The following SYNPR variants were observed in gnomAD, a reference collection of about 807,000 sequenced individuals.
SYNPR encodes synaptoporin.
Under a neutral mutation model 32.9 loss-of-function variants are expected in SYNPR, and 23 were observed. That is an observed-to-expected ratio of 0.70 (90% CI 0.50 to 0.99). SYNPR has a LOEUF of 0.99. Among genes scored for constraint, SYNPR ranks in the 50% least tolerant of loss-of-function variants. The pLI is 0.00. For synonymous variants in SYNPR, 146 were observed against 135.9 expected, an observed-to-expected ratio of 1.07 and a Z score of -0.52; for missense variants, 318 against 349.3, an observed-to-expected ratio of 0.91 and a Z score of 0.71.
intron 4 of SYNPR, among the ~76,000 whole-genome samples, chr3:63,607,548 A>C (rs1309109959): frequency 6.6e-6 from 1 of 152,234 alleles, no homozygotes; most frequent in African/African-American, 2.4e-5. Context: ...TTGAATGAAA[A>C]TGAAAAGTAA....
At chr3:63,430,804 C>A (rs1379752814) in intron 2 of SYNPR, among the ~76,000 whole-genome samples, 1 of 152,004 alleles carries the variant, frequency 6.6e-6, no homozygotes, top group Non-Finnish European at 1.5e-5. Flanking sequence ...ATAACTTCTA[C>A]CTTGCAGTGC....
chr3:63,508,384 T>C (rs1701630117), intron 3 of SYNPR, among the ~76,000 whole-genome samples: 1 of 152,122 alleles, frequency 6.6e-6, no homozygotes, highest in African/African-American at 2.4e-5. Flanking sequence ...AAGTAAATTA[T>C]AGTAAGAAGT....
intron 2 of SYNPR, among the ~76,000 whole-genome samples, chr3:63,260,374 T>C (rs2086428071): frequency 6.6e-6 from 1 of 152,000 alleles, no homozygotes; most frequent in African/African-American, 2.4e-5. Context: ...AAAACAGAGA[T>C]ATAGACCAAT....
At chr3:63,379,687 T>G (rs1269394227) in intron 2 of SYNPR, among the ~76,000 whole-genome samples, 1 of 152,150 alleles carries the variant, frequency 6.6e-6, no homozygotes, top group Admixed American at 6.6e-5. Context: ...TTCTTTTGCT[T>G]TCTTTTTTTT....
intron 4 of SYNPR, among the ~76,000 whole-genome samples, chr3:63,558,150 C>A (rs915455499): frequency 1.3e-4 from 20 of 152,160 alleles, no homozygotes; most frequent in African/African-American, 4.3e-4. Context: ...TTTGACACAG[C>A]ACAAGGCCCT....
At chr3:63,553,394 T>G (rs1048523239) in intron 3 of SYNPR, among the ~76,000 whole-genome samples, 26 of 152,234 alleles carry the variant, frequency 1.7e-4, no homozygotes, top group African/African-American at 5.8e-4. Context: ...AGCATGGCCA[T>G]GAACATGCAA....
chr3:63,596,440 CACCAGCCTG>C (rs1199189098), intron 4 of SYNPR, among the ~76,000 whole-genome samples: 1 of 151,780 alleles, frequency 6.6e-6, no homozygotes, highest in East Asian at 1.9e-4. Context: ...ATCTACCAGC[CACCAGCCTG>C]CCATGTCTTG....
At chr3:63,519,604 A>G (rs1701867807) in intron 3 of SYNPR, among the ~76,000 whole-genome samples, 1 of 152,230 alleles carries the variant, frequency 6.6e-6, no homozygotes, top group Non-Finnish European at 1.5e-5. Flanking sequence ...CAAGGTTGGC[A>G]GAGTTCCCAT....
chr3:63,602,908 G>A (rs1262074501), intron 4 of SYNPR, among the ~76,000 whole-genome samples: 1 of 152,124 alleles, frequency 6.6e-6, no homozygotes, highest in East Asian at 1.9e-4. Context: ...GATAGGAATA[G>A]CATTGAATCT....
chr3:63,445,911 T>C (rs1700269008), intron 2 of SYNPR, among the ~76,000 whole-genome samples: 1 of 152,188 alleles, frequency 6.6e-6, no homozygotes, highest in Non-Finnish European at 1.5e-5. Context: ...GTCTCCTTCC[T>C]CTCAGACTAT....
chr3:63,595,759 A>AGT (rs1559546255), intron 4 of SYNPR, among the ~76,000 whole-genome samples: 1 of 53,076 alleles, frequency 1.9e-5, no homozygotes, highest in Non-Finnish European at 3.1e-5. Context: ...ATATATATAT[A>AGT]TATATATATA....
intron 3 of SYNPR, among the ~76,000 whole-genome samples, chr3:63,523,074 T>C (rs1219474778): frequency 6.6e-6 from 1 of 152,060 alleles, no homozygotes; most frequent in Non-Finnish European, 1.5e-5. Flanking sequence ...CCCTTCAGCA[T>C]ATATTTTGGA....
At chr3:63,587,681 T>G (rs1464762543) in intron 4 of SYNPR, among the ~76,000 whole-genome samples, 1 of 152,108 alleles carries the variant, frequency 6.6e-6, no homozygotes, top group Non-Finnish European at 1.5e-5. Context: ...AAAGGCCTGC[T>G]AGCAATTTAT....
chr3:63,235,772 G>A (rs2086196462), intron 1 of SYNPR, among the ~76,000 whole-genome samples: 1 of 151,928 alleles, frequency 6.6e-6, no homozygotes, highest in Non-Finnish European at 1.5e-5. Context: ...CCCTTTGTTG[G>A]ATATGAGGTT....
intron 2 of SYNPR, among the ~76,000 whole-genome samples, chr3:63,313,928 CAT>C (rs763145148): frequency 0.013 from 24 of 1,846 alleles, 1 homozygote; most frequent in East Asian, 0.091. Context: ...TATATATATC[CAT>C]ATATATATAT....
intron 3 of SYNPR, among the ~76,000 whole-genome samples, chr3:63,515,298 A>C (rs1161042257): frequency 6.6e-6 from 1 of 152,008 alleles, no homozygotes; most frequent in East Asian, 1.9e-4. Flanking sequence ...CTCAGTATCT[A>C]AAGTCCCCCT....
intron 2 of SYNPR, among the ~76,000 whole-genome samples, chr3:63,398,559 A>C (rs1392978633): frequency 6.6e-6 from 1 of 151,874 alleles, no homozygotes; most frequent in Non-Finnish European, 1.5e-5. Context: ...AATATTAAAA[A>C]AAAAAAAAAT....
chr3:63,444,771 C>T (rs1261125852), intron 2 of SYNPR, among the ~76,000 whole-genome samples: 3 of 152,088 alleles, frequency 2.0e-5, no homozygotes, highest in Non-Finnish European at 4.4e-5. Flanking sequence ...TGAAGCTACT[C>T]ATTTTGACAA....
rs532335959 is a variant in SYNPR at position 63,388,515 on chromosome 3, G to A, written c.85-92317G>A. Among the ~76,000 whole-genome samples, 17 of 150,578 alleles carry A rather than the reference G, an allele frequency of 1.1e-4. No homozygotes were observed. In the East Asian group the frequency reaches 3.3e-3, roughly 30 times the overall value. On this transcript the variant is annotated intron_variant, in intron 2 of 5. Coordinates refer to ENST00000478300, the MANE Select transcript of SYNPR (RefSeq NM_001130003.2). ...CGATTCTCCTGCCTAAGCCTCCTGA[G>A]TAGCTGGGATTACAGGCGCACACCA...
Sources: gnomAD v4.1 joint callset for allele counts (sites outside exome capture counted in the v4.1 genomes callset) on GRCh38, gnomAD v4.1.1 for gene constraint, MANE v1.5 for transcripts, NCBI Gene and HGNC (gene_info 2026-07-23, HGNC 2026-07-21) for gene names.